CIAO2B: variants seen among roughly 807,000 people sequenced by gnomAD.
CIAO2B encodes cytosolic iron-sulfur assembly component 2B.
CIAO2B carries 20 observed loss-of-function variants against 16.4 expected under a neutral mutation model. The observed-to-expected ratio is 1.22, with a 90% CI of 0.86 to 1.77. CIAO2B has a LOEUF of 1.77. Ranked by LOEUF, CIAO2B falls within the 40% of genes most tolerant of loss-of-function variation. The pLI is 0.00. For missense variants in CIAO2B, 215 were observed against 222.4 expected (o/e 0.97, Z 0.21); for synonymous variants, 106 against 90.4 (o/e 1.17, Z -0.98).
intron 4 of CIAO2B, 56 bp from the exon 5 acceptor site, chr16:66,932,356 GTGCTAGCCAGC>G: frequency 7.0e-7 from 1 of 1,432,918 alleles, no homozygotes; most frequent in Non-Finnish European, 9.8e-7. Context: ...TCTGGCCAGA[GTGCTAGCCAGC>G]CCTACCTCTG....
At position 66,934,167 on chromosome 16, in the gene CIAO2B, C is replaced by A; in HGVS notation, c.142+56G>T. 4 of 1,609,894 alleles carry A rather than the reference C, an allele frequency of 2.5e-6. No individual in the cohort carries two copies. Among genetic ancestry groups the A allele is most frequent in the Non-Finnish European group, 3.4e-6 (4 of 1,178,320 alleles). ...CGGCTCCACCAGCTGCTCGATATCA[C>A]TGCTCCCCCCACCGCAAGCCCCCGG... On this transcript the variant is annotated intron_variant, in intron 1 of 4. Transcript: ENST00000422424. This position sits in a 1 kb window ranked among gnomAD's most constrained non-coding sequence, Gnocchi z 4.1.
chr16:66,934,334 G>A lies in CIAO2B; in HGVS notation c.31C>T (p.Leu11Phe), dbSNP rs777492408. 1.3e-5 allele frequency: 20 copies of A among 1,585,488 alleles called. No individual in the cohort carries two copies. Among genetic ancestry groups the A allele is most frequent in the Non-Finnish European group, 1.5e-5 (18 of 1,171,762 alleles). ...ATGAGGGGGTTGGCATTCTCCAGGAGGCCGCCGCCGACCCCGCCGCCGCCT... is the reference window on the plus strand; with the variant it reads ...ATGAGGGGGTTGGCATTCTCCAGGAAGCCGCCGCCGACCCCGCCGCCGCCT... Reference protein sequence around the residue: MVGGGGVGGGLLENANPLIYQ... With the variant: MVGGGGVGGGFLENANPLIYQ... The change falls in exon 1 of 5, where the codon CTC (leucine) becomes TTC (phenylalanine). Residue 11 changes from leucine to phenylalanine, a missense_variant. Physicochemically the swap from Leu to Phe is conservative, Grantham distance 22. Coordinates refer to ENST00000422424, the MANE Select transcript of CIAO2B (RefSeq NM_016062.4). This position sits in a 1 kb window ranked among gnomAD's most constrained non-coding sequence, Gnocchi z 4.1.
rs774549089 is a variant in CIAO2B at position 66,934,292 on chromosome 16, C to A, written c.73G>T (p.Glu25Ter). 1 of 1,608,186 alleles carries A rather than the reference C, an allele frequency of 6.2e-7. No individual in the cohort carries two copies. Among genetic ancestry groups the A allele is most frequent in the Non-Finnish European group, 8.5e-7 (1 of 1,179,440 alleles). The change falls in exon 1 of 5, where the codon GAG (glutamate) becomes TAG (stop). Residue 25 changes from glutamate to a stop codon, truncating the protein, a stop_gained. Transcript: ENST00000422424. LOFTEE classifies it high-confidence loss of function. The surrounding 1 kb of genome is among the most constrained non-coding windows in gnomAD (Gnocchi z 4.1). ...TCCTCGCCTGCCGTCACAGGCCGCT[C>A]CCCAGAGCGCTGGTAGATGAGGGGG... The part of the protein sequence containing the change: ...ANPLIYQRSG[E>*]RPVTAGEEDE...
At chr16:66,933,862 G>A in intron 2 of CIAO2B, 123 bp from the exon 3 acceptor site, 6 of 1,538,186 alleles carry the variant, frequency 3.9e-6, no homozygotes, top group Non-Finnish European at 2.6e-6. Flanking sequence ...CCATAAAATA[G>A]GCACAACAAT....
At chr16:66,932,326 A>G (rs1215300066) in intron 4 of CIAO2B, 26 bp from the exon 5 acceptor site, 1 of 1,594,076 alleles carries the variant, frequency 6.3e-7, no homozygotes, top group Non-Finnish European at 8.6e-7. Context: ...GGTGTGGGGA[A>G]GGCAGAGTCA....
In CIAO2B at chr16:66,933,569, A is replaced by G. The variant is rs981364455; in HGVS notation, c.348+45T>C. The G allele has an allele frequency of 3.1e-6, 5 of 1,598,218 alleles. No individual in the cohort carries two copies. In the African/African-American group the frequency reaches 6.7e-5, roughly 21 times the overall value. ...TCCCAGTCCCCATCCTCAGCAGTAG[A>G]CCCTCAATGCCTGGTCTCACTCCCG... On this transcript the variant is annotated intron_variant, in intron 3 of 4. Coordinates refer to ENST00000422424, the MANE Select transcript of CIAO2B (RefSeq NM_016062.4).
In CIAO2B at chr16:66,934,311, G is replaced by T. The variant is rs1963141199; in HGVS notation, c.54C>A (p.Leu18=). Residue 18 remains leucine, a synonymous_variant, in exon 1 of 5, where the codon CTC becomes CTA. Transcript: ENST00000422424. The surrounding 1 kb of genome is among the most constrained non-coding windows in gnomAD (Gnocchi z 4.1). The part of the protein sequence containing the change: ...GGGLLENANP[L]IYQRSGERPV... ...GCCGCTCCCCAGAGCGCTGGTAGAT[G>T]AGGGGGTTGGCATTCTCCAGGAGGC... 6.2e-7 allele frequency: 1 copy of T among 1,604,590 alleles called. No homozygotes were observed. Among genetic ancestry groups the T allele is most frequent in the East Asian group, 2.2e-5 (1 of 44,748 alleles).
chr16:66,933,720 G>A lies in CIAO2B; in HGVS notation c.242C>T (p.Thr81Ile), dbSNP rs187348021. ...VRVQVSDPES[T>I]VAVAFTPTIP... ...GGTTGGTGTGAAAGCCACAGCCACT[G>A]TACTCTCGGGGTCGCTAACCTGGTT... is the stretch of plus-strand genomic sequence containing the variant. The change falls in exon 3 of 5, where the codon ACA becomes ATA. Residue 81 changes from threonine (T) to isoleucine (I), a missense_variant. Transcript: ENST00000422424. 8.9e-5 allele frequency: 139 copies of A among 1,568,148 alleles called. 1 individual carries two copies. The East Asian group carries it at 3.1e-3, about 34-fold the overall frequency.
chr16:66,933,895 C>T (rs1226316959), intron 2 of CIAO2B, 92 bp downstream of exon 2: 13 of 1,565,192 alleles, frequency 8.3e-6, no homozygotes, highest in Non-Finnish European at 1.0e-5. Flanking sequence ...AGATACCCTT[C>T]GGTGTTCGTG....
chr16:66,933,542 T>C, intron 3 of CIAO2B, 72 bp downstream of exon 3: 3 of 1,554,488 alleles, frequency 1.9e-6, no homozygotes, highest in East Asian at 4.7e-5. Context: ...ATGTTCATGC[T>C]CTCCCAGTCC....
Position 66,932,120 on chromosome 16 carries a change from G to T in CIAO2B, c.*83C>A. ...AAAATGTTAGTTTCTCATTGTGAGT[G>T]ATTCAAGAAAACAACGGTAACAGCC... On this transcript the variant is annotated 3_prime_UTR_variant, in exon 5 of 5. Transcript: ENST00000422424. 9.9e-7 allele frequency: 1 copy of T among 1,009,436 alleles called. No homozygotes were observed. The highest frequency in any genetic ancestry group is 1.5e-6 in the Non-Finnish European group (1 of 682,372). 62.5% of individuals were successfully genotyped at this position (1,009,436 alleles called of 1,614,324 possible).
intron 4 of CIAO2B, 115 bp from the exon 5 acceptor site, chr16:66,932,415 C>T: frequency 1.2e-6 from 1 of 838,152 alleles, no homozygotes; most frequent in Non-Finnish European, 2.0e-6. Context: ...AGCAACAGAG[C>T]CCTCCTGTCA....
Position 66,933,978 on chromosome 16 carries a change from G to T in CIAO2B, c.222+9C>A. ...CTGGAACAACTCGCTCCCCTCGGAAGTGACTCACCTGAACCCGCACCTGCT... is the reference window on the plus strand; with the variant it reads ...CTGGAACAACTCGCTCCCCTCGGAATTGACTCACCTGAACCCGCACCTGCT... On this transcript the variant is annotated intron_variant, in intron 2 of 4. Transcript: ENST00000422424. 1 of 1,613,560 alleles carries T rather than the reference G, an allele frequency of 6.2e-7. No homozygotes were observed. Among genetic ancestry groups the T allele is most frequent in the Non-Finnish European group, 8.5e-7 (1 of 1,179,832 alleles).
chr16:66,934,389 A>G lies in CIAO2B; in HGVS notation c.-25T>C. ...TCGCGGAACCACCACCGCTGATCCT[A>G]GCAGGCGTGCGCTTCCGCTCCAACC... On this transcript the variant is annotated 5_prime_UTR_variant, in exon 1 of 5. Coordinates refer to ENST00000422424, the MANE Select transcript of CIAO2B (RefSeq NM_016062.4). The surrounding 1 kb of genome is among the most constrained non-coding windows in gnomAD (Gnocchi z 4.1). 3 of 1,502,874 alleles carry G rather than the reference A, an allele frequency of 2.0e-6. No individual in the cohort carries two copies. The highest frequency in any genetic ancestry group is 2.7e-6 in the Non-Finnish European group (3 of 1,131,330). The allele number at this position is 1,502,874 out of a possible 1,614,324, so 93.1% of individuals were successfully genotyped here.
In CIAO2B at chr16:66,934,314, G is replaced by A. The variant is rs11556909; in HGVS notation, c.51C>T (p.Pro17=). Residue 17 remains proline (P), a synonymous_variant, in exon 1 of 5, where the codon CCC becomes CCT. Transcript: ENST00000422424. The surrounding 1 kb of genome is among the most constrained non-coding windows in gnomAD (Gnocchi z 4.1). ...VGGGLLENAN[P]LIYQRSGERP... is the part of the protein sequence containing the mutation. ...GCTCCCCAGAGCGCTGGTAGATGAG[G>A]GGGTTGGCATTCTCCAGGAGGCCGC... The A allele has an allele frequency of 2.5e-6, 4 of 1,604,016 alleles. No homozygotes were observed. The highest frequency in any genetic ancestry group is 1.1e-5 in the South Asian group (1 of 90,460).
chr16:66,933,847 A>G, intron 2 of CIAO2B, 108 bp from the exon 3 acceptor site: 1 of 1,536,200 alleles, frequency 6.5e-7, no homozygotes, highest in Non-Finnish European at 8.8e-7. Context: ...CCTCAGTTTC[A>G]ACACCCATAA....
intron 3 of CIAO2B, 77 bp from the exon 4 acceptor site, chr16:66,932,902 C>G: frequency 1.3e-6 from 2 of 1,489,624 alleles, no homozygotes; most frequent in Non-Finnish European, 1.8e-6. Flanking sequence ...GACCCTCAGG[C>G]ACCATCTCCA....
At position 66,933,772 on chromosome 16, in the gene CIAO2B, C is replaced by G. The variant is rs1390750058; in HGVS notation, c.223-33G>C. Reference sequence around the variant, plus strand: ...TGGAGGAGAGATGTCAAGAGTCAACCACCCTCAGCCCAAGGTCCCTCTTCT... The same window carrying G: ...TGGAGGAGAGATGTCAAGAGTCAACGACCCTCAGCCCAAGGTCCCTCTTCT... On this transcript the variant is annotated intron_variant, in intron 2 of 4. Coordinates refer to ENST00000422424, the MANE Select transcript of CIAO2B (RefSeq NM_016062.4). 8 of 1,550,560 alleles carry G rather than the reference C, an allele frequency of 5.2e-6. No homozygotes were observed. The South Asian group carries it at 8.3e-5, about 16-fold the overall frequency.
Position 66,934,337 on chromosome 16 carries a change from C to A in CIAO2B, c.28G>T (p.Gly10Cys), listed in dbSNP as rs751244375. ...AGGGGGTTGGCATTCTCCAGGAGGC[C>A]GCCGCCGACCCCGCCGCCGCCTACC... is the stretch of plus-strand genomic sequence containing the variant. MVGGGGVGGGLLENANPLIY... is the reference protein window; with the variant it reads MVGGGGVGGCLLENANPLIY... The change falls in exon 1 of 5, where the codon GGC (glycine) becomes TGC (cysteine). Residue 10 changes from glycine (G) to cysteine (C), a missense_variant. By Grantham distance (159) the Gly-to-Cys change is radical. Coordinates refer to ENST00000422424, the MANE Select transcript of CIAO2B (RefSeq NM_016062.4). This position sits in a 1 kb window ranked among gnomAD's most constrained non-coding sequence, Gnocchi z 4.1. 3.2e-6 allele frequency: 5 copies of A among 1,581,976 alleles called. No homozygotes were observed. In the South Asian group the frequency reaches 4.5e-5, roughly 14 times the overall value.
Sources: gnomAD v4.1 joint callset for allele counts on GRCh38, gnomAD v4.1.1 for gene constraint, Gnocchi (gnomAD v3.1) non-coding constraint, MANE v1.5 for transcripts, NCBI Gene and HGNC (gene_info 2026-07-23, HGNC 2026-07-21) for gene names.